Variants in ARHGAP8 observed in about 807,000 individuals in gnomAD.
The protein encoded by ARHGAP8 is Rho GTPase activating protein 8, also known as rho GTPase-activating protein 8.
Under a neutral mutation model 46.1 loss-of-function variants are expected in ARHGAP8, and 62 were observed. The ratio of observed to expected loss-of-function variants is 1.34; its 90% confidence interval spans 1.10 to 1.66. The LOEUF is 1.66. ARHGAP8 is among the 40% of genes most tolerant of loss of function. The pLI, the probability that ARHGAP8 is intolerant of heterozygous loss-of-function variation, is 0.00. For synonymous variants in ARHGAP8, 375 were observed against 243.1 expected (o/e 1.54, Z -5.05); for missense variants, 923 against 568.4 (o/e 1.62, Z -6.34).
chr22:44,754,515 C>A (rs574088945), intron 1 of ARHGAP8, among the ~76,000 whole-genome samples: 2 of 152,122 alleles, frequency 1.3e-5, no homozygotes, highest in African/African-American at 4.8e-5. Flanking sequence ...ACCACCACAC[C>A]CAGCTAATTT....
chr22:44,858,399 C>G (rs539848304), intron 10 of ARHGAP8, among the ~76,000 whole-genome samples: 2 of 149,056 alleles, frequency 1.3e-5, no homozygotes, highest in East Asian at 2.0e-4. Context: ...TGGAGTTTCA[C>G]TCTTGTTGCC....
chr22:44,763,163 C>T lies in ARHGAP8; in HGVS notation c.-72+10536C>T, dbSNP rs1009266603. On this transcript the variant is annotated intron_variant, in intron 1 of 11. Coordinates refer to ENST00000356099, the MANE Select transcript of ARHGAP8 (RefSeq NM_181335.3). ...GACTTTCCTTTTTTCAGTGCCTGCT[C>T]ATTCAATGGGCTTGGTTCCCAGAGC... is the stretch of plus-strand genomic sequence containing the variant. Among the ~76,000 whole-genome samples the T allele has an allele frequency of 3.3e-5, 5 of 152,140 alleles. No individual in the cohort carries two copies. In the South Asian group the frequency reaches 1.0e-3, roughly 32 times the overall value.
chr22:44,859,176 T>C (rs1296709666), intron 10 of ARHGAP8, among the ~76,000 whole-genome samples: 1 of 152,146 alleles, frequency 6.6e-6, no homozygotes, highest in African/African-American at 2.4e-5. Flanking sequence ...GCTTGTAGAA[T>C]TCAGGTGATG....
chr22:44,859,784 CCAGAGCA>C lies in ARHGAP8; in HGVS notation c.934_940del (p.Glu312ThrfsTer24), dbSNP rs2070376669. The C allele has an allele frequency of 6.2e-7, 1 of 1,614,114 alleles. No individual in the cohort carries two copies. The highest frequency in any genetic ancestry group is 2.2e-5 in the East Asian group (1 of 44,880). The stretch of plus-strand genomic sequence containing the variant: ...CTGCCGCCAGATCTTACGGAGCCTC[CCAGAGCA>C]CAACTACGTCGTCCTCCGCTACCTC... On this transcript the variant is annotated frameshift_variant, in exon 11 of 12. Transcript: ENST00000356099. LOFTEE classifies it low-confidence loss of function (END_TRUNC).
intron 2 of ARHGAP8, among the ~76,000 whole-genome samples, chr22:44,800,334 G>A (rs1928407642): frequency 6.6e-6 from 1 of 152,052 alleles, no homozygotes; most frequent in African/African-American, 2.4e-5. Flanking sequence ...TCGAACTCCT[G>A]ACCTCAAGTG....
At chr22:44,857,357 C>T (rs769921795) in intron 10 of ARHGAP8, among the ~76,000 whole-genome samples, 26 of 152,164 alleles carry the variant, frequency 1.7e-4, no homozygotes, top group Non-Finnish European at 2.9e-4. Context: ...CTAGAAACTG[C>T]AGGGAGGGTC....
chr22:44,845,264 C>G lies in ARHGAP8; in HGVS notation c.597-5C>G, dbSNP rs764392139. On this transcript the variant is annotated splice_polypyrimidine_tract_variant and splice_region_variant and intron_variant, in intron 7 of 11. Transcript: ENST00000356099. Reference sequence around the variant, plus strand: ...AAACTGCGACTTTCTTTTCTGTTTTCTCAGCCTCAAAGACAAAAATCAAGG... The same window carrying G: ...AAACTGCGACTTTCTTTTCTGTTTTGTCAGCCTCAAAGACAAAAATCAAGG... The G allele has an allele frequency of 1.2e-6, 2 of 1,613,986 alleles. No individual in the cohort carries two copies. Among genetic ancestry groups the G allele is most frequent in the African/African-American group, 2.7e-5 (2 of 74,912 alleles).
intron 1 of ARHGAP8, among the ~76,000 whole-genome samples, chr22:44,785,890 C>T (rs1412499542): frequency 1.3e-5 from 2 of 152,144 alleles, no homozygotes; most frequent in Non-Finnish European, 2.9e-5. Context: ...CTGCTGGCTG[C>T]CAGTGTCAGG....
intron 1 of ARHGAP8, among the ~76,000 whole-genome samples, chr22:44,758,930 C>T (rs561707936): frequency 6.6e-6 from 1 of 152,276 alleles, no homozygotes; most frequent in African/African-American, 2.4e-5. Context: ...GTGGAGGACA[C>T]GGATTTACCA....
intron 10 of ARHGAP8, 121 bp downstream of exon 10, chr22:44,849,181 G>A: frequency 6.5e-7 from 1 of 1,539,990 alleles, no homozygotes; most frequent in African/African-American, 1.4e-5. Flanking sequence ...TCCTCCTGTT[G>A]CCATCTGGCA....
At chr22:44,832,726 T>C (rs1040335544) in intron 7 of ARHGAP8, among the ~76,000 whole-genome samples, 3 of 152,228 alleles carry the variant, frequency 2.0e-5, no homozygotes, top group African/African-American at 7.2e-5. Context: ...TTCTTCCTTT[T>C]CAACCTATTG....
intron 2 of ARHGAP8, among the ~76,000 whole-genome samples, chr22:44,794,477 G>A (rs1054629414): frequency 2.6e-5 from 4 of 152,100 alleles, no homozygotes; most frequent in African/African-American, 4.8e-5. Flanking sequence ...TTGGGAGGCC[G>A]AGGCAGGCAG....
At chr22:44,838,955 C>T (rs1479664688) in intron 7 of ARHGAP8, among the ~76,000 whole-genome samples, 1 of 152,236 alleles carries the variant, frequency 6.6e-6, no homozygotes, top group Non-Finnish European at 1.5e-5. Context: ...GCCAGCATCT[C>T]TGCTTTCCAA....
At chr22:44,825,814 G>T (rs12158993) in intron 7 of ARHGAP8, among the ~76,000 whole-genome samples, 1,817 of 129,690 alleles carry the variant, frequency 0.014, 52 homozygotes, top group African/African-American at 0.051. Flanking sequence ...GTTGGGGGGC[G>T]CATGCTCGCT....
chr22:44,860,017 G>C (rs541909111), intron 11 of ARHGAP8, among the ~76,000 whole-genome samples, 183 bp downstream of exon 11: 3 of 109,886 alleles, frequency 2.7e-5, no homozygotes, highest in Non-Finnish European at 4.0e-5. Flanking sequence ...ATGCTGCTGC[G>C]GACCTCCTGC....
At chr22:44,796,550 A>G (rs2147068777) in intron 2 of ARHGAP8, among the ~76,000 whole-genome samples, 1 of 151,954 alleles carries the variant, frequency 6.6e-6, no homozygotes, top group Admixed American at 6.5e-5. Flanking sequence ...CTGTGATCCC[A>G]TCAATCCCAC....
At chr22:44,783,309 G>T (rs1334252785) in intron 1 of ARHGAP8, among the ~76,000 whole-genome samples, 1 of 150,514 alleles carries the variant, frequency 6.6e-6, no homozygotes, top group Non-Finnish European at 1.5e-5. Flanking sequence ...CCCCACCCCC[G>T]CAGCGGTCCA....
intron 1 of ARHGAP8, among the ~76,000 whole-genome samples, chr22:44,766,510 A>T (rs1925582075): frequency 1.3e-5 from 2 of 150,624 alleles, no homozygotes; most frequent in Admixed American, 6.6e-5. Flanking sequence ...GTCTCTGTGC[A>T]TGTCTGTGTG....
chr22:44,813,372 C>G (rs1249474963), intron 4 of ARHGAP8, among the ~76,000 whole-genome samples: 1 of 147,784 alleles, frequency 6.8e-6, no homozygotes, highest in African/African-American at 2.6e-5. Flanking sequence ...CCTACATACA[C>G]ACATACCCAC....
Sources: gnomAD v4.1 joint callset for allele counts (sites outside exome capture counted in the v4.1 genomes callset) on GRCh38, gnomAD v4.1.1 for gene constraint, MANE v1.5 for transcripts, NCBI Gene and HGNC (gene_info 2026-07-23, HGNC 2026-07-21) for gene names.